The following RUVBL1 variants were observed in gnomAD, a reference collection of about 807,000 sequenced individuals.
RUVBL1 encodes RuvB like AAA ATPase 1, also known as ruvB-like 1.
Under a neutral mutation model 52.4 loss-of-function variants are expected in RUVBL1, and 4 were observed. That is an observed-to-expected ratio of 0.08 (90% CI 0.04 to 0.17). The LOEUF is 0.17. Ranked by LOEUF, RUVBL1 falls within the 10% of genes least tolerant of loss-of-function variation. The pLI is 1.00. For synonymous variants in RUVBL1, 217 were observed against 214.4 expected, an observed-to-expected ratio of 1.01 and a Z score of -0.10; for missense variants, 298 against 572.8, an observed-to-expected ratio of 0.52 and a Z score of 4.90.
At chr3:128,117,322 T>C (rs532132672) in intron 2 of RUVBL1, among the ~76,000 whole-genome samples, 1 of 152,344 alleles carries the variant, frequency 6.6e-6, no homozygotes, top group East Asian at 1.9e-4. Flanking sequence ...TTTCTCAGCT[T>C]GACTCCATGA....
chr3:128,136,799 T>C (rs1176415787), intron 1 of RUVBL1, among the ~76,000 whole-genome samples: 2 of 151,994 alleles, frequency 1.3e-5, no homozygotes, highest in African/African-American at 2.4e-5. Context: ...ACAAAAACTA[T>C]ATAAGGAGAC....
chr3:128,140,106 A>G (rs1943997146), intron 1 of RUVBL1, among the ~76,000 whole-genome samples: 1 of 151,912 alleles, frequency 6.6e-6, no homozygotes, highest in Non-Finnish European at 1.5e-5. Context: ...GTGATTATAC[A>G]TTGTATGCCT....
At chr3:128,136,980 C>CT in intron 1 of RUVBL1, among the ~76,000 whole-genome samples, 1 of 152,128 alleles carries the variant, frequency 6.6e-6, no homozygotes, top group Middle Eastern at 3.4e-3. Flanking sequence ...ACCAAATGGA[C>CT]TTAATAGATA....
At chr3:128,130,391 A>C (rs967465256) in intron 1 of RUVBL1, among the ~76,000 whole-genome samples, 1 of 152,044 alleles carries the variant, frequency 6.6e-6, no homozygotes, top group African/African-American at 2.4e-5. Context: ...AGACTGAGTC[A>C]GTAACCAAAA....
At chr3:128,151,287 A>G (rs1944207899) in intron 1 of RUVBL1, among the ~76,000 whole-genome samples, 1 of 145,302 alleles carries the variant, frequency 6.9e-6, no homozygotes, top group African/African-American at 2.5e-5. Context: ...ATATAGATAT[A>G]TAAACTATAT....
downstream of RUVBL1, among the ~76,000 whole-genome samples, chr3:128,079,958 A>G (rs1942425230): frequency 2.6e-5 from 4 of 152,220 alleles, no homozygotes; most frequent in South Asian, 6.2e-4. Context: ...AAGTGCTGGG[A>G]ACAGCGTCCG....
At chr3:128,098,753 C>G (rs1030622063) in intron 7 of RUVBL1, 129 bp downstream of exon 7, 2 of 776,736 alleles carry the variant, frequency 2.6e-6, no homozygotes, top group Admixed American at 4.0e-5. Context: ...AAGCTCTAAG[C>G]TATGAGGAAG....
chr3:128,124,053 C>G (rs895977958), upstream of RUVBL1, among the ~76,000 whole-genome samples: 3 of 152,222 alleles, frequency 2.0e-5, no homozygotes, highest in African/African-American at 4.8e-5. Flanking sequence ...TTGCACGAGG[C>G]AGTGGCCCCC....
intron 1 of RUVBL1, among the ~76,000 whole-genome samples, chr3:128,120,143 T>G (rs563080396): frequency 6.6e-6 from 1 of 152,306 alleles, no homozygotes; most frequent in Non-Finnish European, 1.5e-5. Flanking sequence ...AAATACCTCT[T>G]GAAGTTGGGA....
chr3:128,113,156 A>C, intron 2 of RUVBL1, 136 bp from the exon 3 acceptor site: 4 of 966,190 alleles, frequency 4.1e-6, no homozygotes, highest in Non-Finnish European at 5.9e-6. Context: ...CACACAATAA[A>C]TGTTTGATGA....
At chr3:128,079,350 C>G (rs1305796493), downstream of RUVBL1, among the ~76,000 whole-genome samples, 1 of 152,216 alleles carries the variant, frequency 6.6e-6, no homozygotes, top group African/African-American at 2.4e-5. Flanking sequence ...TTCCAAGCAG[C>G]CTGATTTCAA....
rs1017915259 is a variant in RUVBL1 at position 128,116,180 on chromosome 3, T to TA, written c.228+3147dup. ...AACAAACAAACAAAAACATTACAAT[T>TA]AAAAAAAAAACATAAAAGAGGACTC... On this transcript the variant is annotated intron_variant, in intron 2 of 10. Transcript: ENST00000322623. Among the ~76,000 whole-genome samples the TA allele has an allele frequency of 1.3e-3, 189 of 145,642 alleles. 2 individuals are homozygous for TA. Among genetic ancestry groups the TA allele is most frequent in the Non-Finnish European group, 2.1e-3 (137 of 65,976 alleles).
chr3:128,140,354 G>T (rs1287150194), intron 1 of RUVBL1, among the ~76,000 whole-genome samples: 2 of 140,072 alleles, frequency 1.4e-5, no homozygotes, highest in East Asian at 4.0e-4. Flanking sequence ...GGGTGGGGCT[G>T]CTGGCTTTTA....
intron 1 of RUVBL1, 114 bp downstream of exon 1, chr3:128,123,470 T>C (rs1416542899): frequency 3.0e-5 from 37 of 1,249,844 alleles, no homozygotes; most frequent in Non-Finnish European, 3.9e-5. Flanking sequence ...CCTGAGGAAA[T>C]AATGGCGGGA....
intron 8 of RUVBL1, among the ~76,000 whole-genome samples, chr3:128,093,040 GA>G (rs879934797): frequency 3.5e-4 from 52 of 150,156 alleles, no homozygotes; most frequent in Non-Finnish European, 5.9e-4. Flanking sequence ...AAGAAAGAAA[GA>G]AAAAAAAAGT....
chr3:128,090,776 A>C (rs1242051688), intron 8 of RUVBL1, among the ~76,000 whole-genome samples: 1 of 152,218 alleles, frequency 6.6e-6, no homozygotes, highest in African/African-American at 2.4e-5. Flanking sequence ...TTAGGCCATA[A>C]GTGTTTTTTA....
At chr3:128,118,810 C>CA (rs1943581197) in intron 2 of RUVBL1, among the ~76,000 whole-genome samples, 1 of 152,242 alleles carries the variant, frequency 6.6e-6, no homozygotes, top group Admixed American at 6.5e-5. Flanking sequence ...AGCACTCATA[C>CA]TGAGTCCTCC....
chr3:128,081,011 A>G lies in RUVBL1; in HGVS notation c.*239T>C, dbSNP rs1942457812. On this transcript the variant is annotated 3_prime_UTR_variant, in exon 11 of 11. Coordinates refer to ENST00000322623, the MANE Select transcript of RUVBL1 (RefSeq NM_003707.3). This position sits in a 1 kb window ranked among gnomAD's most constrained non-coding sequence, Gnocchi z 4.8. ...AAAACTTAGAGAGAGAGAGAGAGAGAATCAAAATAACCTATGAAGATTTAT... is the reference window on the plus strand; with the variant it reads ...AAAACTTAGAGAGAGAGAGAGAGAGGATCAAAATAACCTATGAAGATTTAT... 5 of 453,454 alleles carry G rather than the reference A, an allele frequency of 1.1e-5. No homozygotes were observed. The South Asian group carries it at 1.8e-4, about 16-fold the overall frequency. 28.1% of individuals were successfully genotyped at this position (453,454 alleles called of 1,614,324 possible). A position where few individuals can be genotyped will look rare whatever the true frequency, so the allele number is the denominator to read the frequency against.
chr3:128,065,115 T>A, exon 10 of RUVBL1: 10 of 1,383,256 alleles, frequency 7.2e-6, no homozygotes, highest in Non-Finnish European at 1.0e-5. Context: ...AGTCCCCCAC[T>A]CTGTGGGGTG....
Sources: gnomAD v4.1 joint callset for allele counts (sites outside exome capture counted in the v4.1 genomes callset) on GRCh38, gnomAD v4.1.1 for gene constraint, Gnocchi (gnomAD v3.1) non-coding constraint, MANE v1.5 for transcripts, NCBI Gene and HGNC (gene_info 2026-07-23, HGNC 2026-07-21) for gene names.